The following PCDHGB1 variants were observed in gnomAD, a reference collection of about 807,000 sequenced individuals.
The protein encoded by PCDHGB1 is protocadherin gamma-B1.
In PCDHGB1, 34 loss-of-function variants were observed where a neutral mutation model predicts 56.6. The observed-to-expected ratio is 0.60, with a 90% CI of 0.46 to 0.80. The LOEUF (loss-of-function observed/expected upper bound fraction) is 0.80. PCDHGB1 is among the 30% of genes least tolerant of loss of function. The pLI is 0.00. For synonymous variants in PCDHGB1, 561 were observed against 505.9 expected, an observed-to-expected ratio of 1.11 and a Z score of -1.46; for missense variants, 1,278 against 1,204.6, an observed-to-expected ratio of 1.06 and a Z score of -0.90.
chr5:141,474,289 T>C (rs11956411), intron 1 of PCDHGB1, among the ~76,000 whole-genome samples: 31,178 of 152,120 alleles, frequency 0.2, 3,304 homozygotes, highest in Admixed American at 0.31. Context: ...ACCCACTAGA[T>C]CAGTGCTTGT....
chr5:141,368,908 A>G (rs1325459876), intron 1 of PCDHGB1, among the ~76,000 whole-genome samples: 7 of 152,216 alleles, frequency 4.6e-5, no homozygotes, highest in Admixed American at 3.9e-4. Flanking sequence ...GTTTGTATAA[A>G]GGTGACAATG....
At chr5:141,399,818 G>A in intron 1 of PCDHGB1, 1 of 1,613,204 alleles carries the variant, frequency 6.2e-7, no homozygotes, top group Non-Finnish European at 8.5e-7. Context: ...CCCGCGCTGG[G>A]TCCCGACGGC....
At position 141,408,728 on chromosome 5, in the gene PCDHGB1, C is replaced by T. The variant is rs371316574; in HGVS notation, c.2409+56059C>T. ...TAAAGATTATAAGATAAACTCTAAT[C>T]CTTATTTTTCATTAATGGTTAGAGT... On this transcript the variant is annotated intron_variant, in intron 1 of 3. Transcript: ENST00000523390. 6.2e-7 allele frequency: 1 copy of T among 1,610,292 alleles called. No homozygotes were observed. Among genetic ancestry groups the T allele is most frequent in the African/African-American group, 1.3e-5 (1 of 74,802 alleles).
chr5:141,489,983 G>T lies in PCDHGB1; in HGVS notation c.2410-4824G>T. ...CCAACCTTCCAATCCTCAGTTCTACGTGTGGGAATCCCAGAGAATGCACCC... is the reference window on the plus strand; with the variant it reads ...CCAACCTTCCAATCCTCAGTTCTACTTGTGGGAATCCCAGAGAATGCACCC... On this transcript the variant is annotated intron_variant, in intron 1 of 3. Coordinates refer to ENST00000523390, the MANE Select transcript of PCDHGB1 (RefSeq NM_018922.3). The surrounding 1 kb of genome is among the most constrained non-coding windows in gnomAD (Gnocchi z 4.5). The T allele has an allele frequency of 6.2e-7, 1 of 1,614,172 alleles. No homozygotes were observed. Among genetic ancestry groups the T allele is most frequent in the Non-Finnish European group, 8.5e-7 (1 of 1,179,996 alleles).
chr5:141,463,644 G>C (rs1356692609), intron 1 of PCDHGB1, among the ~76,000 whole-genome samples: 1 of 151,596 alleles, frequency 6.6e-6, no homozygotes, highest in Non-Finnish European at 1.5e-5. Context: ...GTAGAGACGG[G>C]GTTTCACCGT....
At chr5:141,414,861 T>C in intron 1 of PCDHGB1, 1 of 1,614,118 alleles carries the variant, frequency 6.2e-7, no homozygotes, top group Admixed American at 1.7e-5. Context: ...AGAACGACAA[T>C]GCGCCCGAGA....
chr5:141,478,118 G>A (rs1266841885), intron 1 of PCDHGB1: 1 of 1,613,930 alleles, frequency 6.2e-7, no homozygotes, highest in East Asian at 2.2e-5. Context: ...GTCAGTAACC[G>A]AGGACTCTCC....
At chr5:141,400,174 G>T in intron 1 of PCDHGB1, 1 of 1,614,076 alleles carries the variant, frequency 6.2e-7, no homozygotes, top group Non-Finnish European at 8.5e-7. Context: ...CCCCCAGGCT[G>T]AGCTGCAGTT....
chr5:141,490,618 A>G lies in PCDHGB1; in HGVS notation c.2410-4189A>G, dbSNP rs1463273520. On this transcript the variant is annotated intron_variant, in intron 1 of 3. Transcript: ENST00000523390. The surrounding 1 kb of genome is among the most constrained non-coding windows in gnomAD (Gnocchi z 5.4). ...ACCCCGCTTCAACCAGCAGCTTTAC[A>G]CTGCTTACATCCTAGAAAACCGGCC... 4.3e-6 allele frequency: 7 copies of G among 1,613,986 alleles called. No homozygotes were observed. Among genetic ancestry groups the G allele is most frequent in the Admixed American group, 1.7e-5 (1 of 59,996 alleles).
chr5:141,352,213 C>T lies in PCDHGB1; in HGVS notation c.1953C>T (p.Ser651=), dbSNP rs772410475. 7.4e-6 allele frequency: 12 copies of T among 1,614,056 alleles called. No homozygotes were observed. The Middle Eastern group carries it at 5.0e-4, about 67-fold the overall frequency. Residue 651 remains serine, a synonymous_variant, in exon 1 of 4, where the codon TCC becomes TCT. Coordinates refer to ENST00000523390, the MANE Select transcript of PCDHGB1 (RefSeq NM_018922.3). ...AVRDGGQPPL[S]ATATLHLIFA... ...GTGATGGAGGACAGCCGCCACTCTC[C>T]GCCACCGCCACGCTGCACCTAATCT...
At chr5:141,409,756 C>T in intron 1 of PCDHGB1, 1 of 1,612,994 alleles carries the variant, frequency 6.2e-7, no homozygotes, top group Non-Finnish European at 8.5e-7. Flanking sequence ...TCGCGCAGCG[C>T]GCCTTTGATC....
intron 1 of PCDHGB1, chr5:141,398,414 G>A (rs373274513): frequency 1.2e-4 from 186 of 1,488,072 alleles, no homozygotes; most frequent in Non-Finnish European, 1.6e-4. Context: ...GAGGAGATAT[G>A]CGGGAAGAAG....
rs1758974318 is a variant in PCDHGB1 at position 141,352,305 on chromosome 5, C to G, written c.2045C>G (p.Thr682Arg). 6.2e-7 allele frequency: 1 copy of G among 1,613,952 alleles called. No individual in the cohort carries two copies. The highest frequency in any genetic ancestry group is 8.5e-7 in the Non-Finnish European group (1 of 1,179,912). The change falls in exon 1 of 4, where the codon ACG becomes AGG. Residue 682 changes from threonine (T) to arginine (R), a missense_variant. Thr to Arg is a moderately conservative substitution (Grantham distance 71). Coordinates refer to ENST00000523390, the MANE Select transcript of PCDHGB1 (RefSeq NM_018922.3). ...CGCCCTGAGCCCTCTGACCCCCAGA[C>G]GGAACTGCAGTTTTACCTGGTTGTG... ...SDRPEPSDPQTELQFYLVVAL... is the reference protein window; with the variant it reads ...SDRPEPSDPQRELQFYLVVAL...
At chr5:141,425,457 T>G (rs936918643) in intron 1 of PCDHGB1, among the ~76,000 whole-genome samples, 6 of 152,318 alleles carry the variant, frequency 3.9e-5, no homozygotes, top group Admixed American at 6.5e-5. Flanking sequence ...ACCATCACAT[T>G]TCATGTTATT....
chr5:141,459,300 A>T (rs954766370), intron 1 of PCDHGB1, among the ~76,000 whole-genome samples: 1 of 152,202 alleles, frequency 6.6e-6, no homozygotes, highest in Non-Finnish European at 1.5e-5. Flanking sequence ...ATCCTATAAC[A>T]TATACTATTT....
In PCDHGB1 at chr5:141,422,749, A is replaced by G. The variant is rs202046219; in HGVS notation, c.2409+70080A>G. Reference sequence around the variant, plus strand: ...GGTGCCTCTGTCCTCCTATGTCTCTATTAACTCCAACACTGGTGTTCTCTA... The same window carrying G: ...GGTGCCTCTGTCCTCCTATGTCTCTGTTAACTCCAACACTGGTGTTCTCTA... On this transcript the variant is annotated intron_variant, in intron 1 of 3. Coordinates refer to ENST00000523390, the MANE Select transcript of PCDHGB1 (RefSeq NM_018922.3). 269 of 1,611,644 alleles carry G rather than the reference A, an allele frequency of 1.7e-4. 1 individual carries two copies. The African/African-American group carries it at 3.3e-3, about 20-fold the overall frequency.
chr5:141,458,059 T>A (rs533147047), intron 1 of PCDHGB1, among the ~76,000 whole-genome samples: 1 of 152,238 alleles, frequency 6.6e-6, no homozygotes, highest in Admixed American at 6.5e-5. Flanking sequence ...CTTGCTGCAC[T>A]GATGCGAACA....
chr5:141,370,935 A>T (rs961930132), intron 1 of PCDHGB1: 2 of 1,613,850 alleles, frequency 1.2e-6, no homozygotes, highest in Admixed American at 3.3e-5. Flanking sequence ...CTTCTCTTTG[A>T]TTCAGAAGGA....
At chr5:141,433,045 C>T (rs1183696623) in intron 1 of PCDHGB1, 1 of 1,614,196 alleles carries the variant, frequency 6.2e-7, no homozygotes, top group South Asian at 1.1e-5. Flanking sequence ...TCACCACGGA[C>T]TCGCGGAAGA....
Sources: allele counts gnomAD v4.1 joint callset (sites outside exome capture counted in the v4.1 genomes callset), GRCh38; gene constraint gnomAD v4.1.1; non-coding constraint Gnocchi (gnomAD v3.1); transcripts MANE v1.5; gene names NCBI Gene and HGNC (gene_info 2026-07-23, HGNC 2026-07-21).